SOX5: variants seen among roughly 807,000 people sequenced by gnomAD.
The protein encoded by SOX5 is transcription factor SOX-5.
In SOX5, 9 loss-of-function variants were observed where a neutral mutation model predicts 92.0. That is an observed-to-expected ratio of 0.10 (90% CI 0.06 to 0.17). The LOEUF is 0.17. Ranked by LOEUF, SOX5 falls within the 10% of genes least tolerant of loss-of-function variation. The pLI, the probability that SOX5 is intolerant of heterozygous loss-of-function variation, is 1.00. For missense variants in SOX5, 642 were observed against 944.5 expected (o/e 0.68, Z 4.20); for synonymous variants, 344 against 336.3 (o/e 1.02, Z -0.25).
chr12:23,868,025 C>T (rs2096833897), intron 2 of SOX5, among the ~76,000 whole-genome samples: 1 of 151,628 alleles, frequency 6.6e-6, no homozygotes, highest in African/African-American at 2.4e-5. Flanking sequence ...TCCTTCCTCC[C>T]TTTTTTCTTT....
intron 1 of SOX5, among the ~76,000 whole-genome samples, chr12:23,924,139 T>A (rs750524361): frequency 3.9e-5 from 6 of 152,196 alleles, no homozygotes; most frequent in Non-Finnish European, 8.8e-5. Context: ...AGATAAAATA[T>A]TTAGTATGTT....
chr12:23,653,556 C>CTT (rs1231070742), intron 7 of SOX5, among the ~76,000 whole-genome samples: 1 of 152,030 alleles, frequency 6.6e-6, no homozygotes, highest in African/African-American at 2.4e-5. Context: ...AACTGGGTGG[C>CTT]TTATAAAGAA....
rs187735993 is a variant in SOX5 at position 24,287,966 on chromosome 12, T to G, written c.-173-10654A>C. ...AGTAAGAACTGGCAAAAAGGAAATTTTGGAATCCCTCAAACTATGGAAGCG... is the reference window on the plus strand; with the variant it reads ...AGTAAGAACTGGCAAAAAGGAAATTGTGGAATCCCTCAAACTATGGAAGCG... On this transcript the variant is annotated intron_variant, in intron 2 of 4. Coordinates refer to the SOX5 transcript ENST00000446891. 1.8e-4 allele frequency among the ~76,000 whole-genome samples: 28 copies of G among 152,278 alleles called. No individual in the cohort carries two copies. The East Asian group carries it at 4.6e-3, about 25-fold the overall frequency.
intron 1 of SOX5, among the ~76,000 whole-genome samples, chr12:24,492,311 C>A (rs1947174046): frequency 6.6e-6 from 1 of 152,086 alleles, no homozygotes; most frequent in Non-Finnish European, 1.5e-5. Flanking sequence ...TAGCCTCATT[C>A]CCCCAATTTA....
chr12:23,802,929 A>C (rs561034978), intron 3 of SOX5, among the ~76,000 whole-genome samples: 1 of 152,258 alleles, frequency 6.6e-6, no homozygotes, highest in South Asian at 2.1e-4. Context: ...ATTGTTAAGC[A>C]TTGCTACTCC....
chr12:23,717,923 T>C (rs1233378943), intron 6 of SOX5, among the ~76,000 whole-genome samples: 2 of 152,234 alleles, frequency 1.3e-5, no homozygotes, highest in Non-Finnish European at 1.5e-5. Flanking sequence ...ATTTTCTTGA[T>C]GAGATTTTTC....
chr12:24,484,909 C>T (rs922311158), intron 1 of SOX5, among the ~76,000 whole-genome samples: 3 of 152,080 alleles, frequency 2.0e-5, no homozygotes, highest in African/African-American at 7.2e-5. Context: ...AAACCCTTTA[C>T]TAGAGATCAT....
chr12:24,215,815 A>G (rs988048655), intron 3 of SOX5, among the ~76,000 whole-genome samples: 1 of 152,048 alleles, frequency 6.6e-6, no homozygotes, highest in Admixed American at 6.6e-5. Context: ...AAAAAAAAGA[A>G]AGAAAAAGGG....
intron 5 of SOX5, 143 bp from the exon 6 acceptor site, chr12:23,734,895 A>T (rs529502405): frequency 4.1e-5 from 25 of 609,232 alleles, no homozygotes; most frequent in Non-Finnish European, 6.9e-5. Context: ...ATTATCAGCA[A>T]TTCATCCTAA....
chr12:23,727,203 G>A (rs1321288258), intron 6 of SOX5, among the ~76,000 whole-genome samples: 3 of 152,058 alleles, frequency 2.0e-5, no homozygotes, highest in Non-Finnish European at 2.9e-5. Context: ...TCAACATCAC[G>A]TCAATATAGT....
intron 6 of SOX5, among the ~76,000 whole-genome samples, chr12:23,681,334 T>C (rs1417659937): frequency 6.6e-6 from 1 of 151,406 alleles, no homozygotes; most frequent in East Asian, 1.9e-4. Context: ...AATTAATACA[T>C]AAAAATAAAA....
intron 2 of SOX5, among the ~76,000 whole-genome samples, chr12:24,354,698 G>A (rs1954576906): frequency 6.6e-6 from 1 of 152,190 alleles, no homozygotes; most frequent in Admixed American, 6.5e-5. Context: ...ATAAATGATA[G>A]GAAAGGTGAC....
chr12:24,134,819 C>T lies in SOX5; in HGVS notation c.-2+78524G>A, dbSNP rs201331207. Among the ~76,000 whole-genome samples the T allele has an allele frequency of 7.9e-5, 12 of 152,262 alleles. No homozygotes were observed. The East Asian group carries it at 1.2e-3, about 15-fold the overall frequency. ...TTGAGATTCACTTTTAAACACTGAA[C>T]ATAAGGAGAACAGTATTCTCCCAAC... On this transcript the variant is annotated intron_variant, in intron 4 of 4. Transcript: ENST00000446891.
chr12:23,760,299 T>C (rs1014120226), intron 3 of SOX5, among the ~76,000 whole-genome samples: 10 of 152,082 alleles, frequency 6.6e-5, no homozygotes, highest in African/African-American at 2.4e-4. Flanking sequence ...CATCAGTAAG[T>C]AGAACAGATG....
chr12:23,965,032 C>A (rs10743483), intron 4 of SOX5, among the ~76,000 whole-genome samples: 96,859 of 151,888 alleles, frequency 0.64, 31,114 homozygotes, highest in East Asian at 0.83. Flanking sequence ...CCCCAGGGGG[C>A]GCGTGGTCAG....
chr12:24,108,196 C>T (rs1459736259), intron 4 of SOX5, among the ~76,000 whole-genome samples: 1 of 152,160 alleles, frequency 6.6e-6, no homozygotes, highest in Non-Finnish European at 1.5e-5. Context: ...GCTATATCCA[C>T]CCTAATTGTC....
chr12:24,231,533 G>A (rs1963401080), intron 3 of SOX5, among the ~76,000 whole-genome samples: 1 of 152,172 alleles, frequency 6.6e-6, no homozygotes, highest in South Asian at 2.1e-4. Flanking sequence ...ATTCTAACCA[G>A]TATTAAAGAT....
intron 1 of SOX5, among the ~76,000 whole-genome samples, chr12:24,382,236 C>G (rs537984012): frequency 6.6e-6 from 1 of 152,086 alleles, no homozygotes; most frequent in Non-Finnish European, 1.5e-5. Flanking sequence ...TAAGAAGCTG[C>G]CATTTGAGTC....
chr12:24,018,372 G>A (rs537742218), intron 4 of SOX5, among the ~76,000 whole-genome samples: 3 of 152,172 alleles, frequency 2.0e-5, no homozygotes, highest in Admixed American at 6.5e-5. Context: ...AATATTCAAC[G>A]TATCTGATGC....
Sources: allele counts gnomAD v4.1 joint callset (sites outside exome capture counted in the v4.1 genomes callset), GRCh38; gene constraint gnomAD v4.1.1; transcripts MANE v1.5; gene names NCBI Gene and HGNC (gene_info 2026-07-23, HGNC 2026-07-21).